UNC5C: variants seen among roughly 807,000 people sequenced by gnomAD.
UNC5C encodes unc-5 netrin receptor C, also known as netrin receptor UNC5C.
In UNC5C, 47 loss-of-function variants were observed where a neutral mutation model predicts 99.8. That is an observed-to-expected ratio of 0.47 (90% confidence interval 0.37 to 0.60). UNC5C has a LOEUF of 0.60. UNC5C is among the 20% of genes least tolerant of loss of function. UNC5C has a pLI of 0.00. For synonymous variants in UNC5C, 487 were observed against 452.2 expected (o/e 1.08, Z -0.98); for missense variants, 1,062 against 1,165.9 (o/e 0.91, Z 1.30).
At chr4:95,319,904 T>C (rs1257122154) in intron 2 of UNC5C, among the ~76,000 whole-genome samples, 1 of 152,124 alleles carries the variant, frequency 6.6e-6, no homozygotes, top group East Asian at 1.9e-4. Flanking sequence ...ACAAATAGAA[T>C]GGAACAACAG....
Position 95,167,193 on chromosome 4 carries a change from C to T in UNC5C, c.*2041G>A, listed in dbSNP as rs1039757773. ...GTCTGTTCAGCAACTTGTGTGCCTC[C>T]AGCCTAAAAGTAAACCACAGTCATG... On this transcript the variant is annotated 3_prime_UTR_variant, in exon 16 of 16. Transcript: ENST00000453304. 11 of 152,166 alleles carry T rather than the reference C, an allele frequency of 7.2e-5. No homozygotes were observed. The highest frequency in any genetic ancestry group is 3.2e-3 in the Middle Eastern group (1 of 316). The allele number at this position is 152,166 out of a possible 1,614,324, so 9.4% of individuals were successfully genotyped here.
chr4:95,385,119 C>T (rs993408095), intron 1 of UNC5C, among the ~76,000 whole-genome samples: 1 of 151,978 alleles, frequency 6.6e-6, no homozygotes, highest in African/African-American at 2.4e-5. Flanking sequence ...TTATGGGCAC[C>T]CTGTTCATAT....
rs186660164 is a variant in UNC5C, at chr4:95,330,036, T to C, written c.346+5374A>G. ...CTATTTCCAACTTCCTATCTTGTTA[T>C]ATCAATTCATGTATTGAATAAACTA... On this transcript the variant is annotated intron_variant, in intron 2 of 15. Transcript: ENST00000453304. Among the ~76,000 whole-genome samples the C allele has an allele frequency of 2.5e-4, 38 of 152,294 alleles. 1 individual carries two copies. The East Asian group carries it at 6.8e-3, about 27-fold the overall frequency.
rs116067336 is a variant in UNC5C at position 95,500,605 on chromosome 4, C to A, written c.124+48129G>T. Among the ~76,000 whole-genome samples, 762 of 152,222 alleles carry A rather than the reference C, an allele frequency of 5.0e-3. 11 individuals carry two copies. Among genetic ancestry groups the A allele is most frequent in the African/African-American group, 0.017 (716 of 41,540 alleles). ...GGTTCCTCAGCTGCATAAACAACAA[C>A]TTGCTCTTATTTTGATTAAGGAGAG... On this transcript the variant is annotated intron_variant, in intron 1 of 15. Transcript: ENST00000453304.
chr4:95,529,536 G>T (rs372618376), intron 1 of UNC5C, among the ~76,000 whole-genome samples: 28 of 151,626 alleles, frequency 1.8e-4, no homozygotes, highest in Middle Eastern at 6.8e-3. Flanking sequence ...GACCAACCTG[G>T]GAAACATGGC....
intron 1 of UNC5C, among the ~76,000 whole-genome samples, chr4:95,363,570 T>C (rs1033961580): frequency 6.6e-6 from 1 of 151,606 alleles, no homozygotes; most frequent in Non-Finnish European, 1.5e-5. Context: ...AATTGCACTC[T>C]ATAAAAGAGG....
chr4:95,508,720 G>A (rs1721991065), intron 1 of UNC5C, among the ~76,000 whole-genome samples: 1 of 151,884 alleles, frequency 6.6e-6, no homozygotes, highest in East Asian at 1.9e-4. Context: ...AAAGTTTCTA[G>A]AAAAAGGAAT....
chr4:95,303,137 A>G (rs1741936118), intron 2 of UNC5C, among the ~76,000 whole-genome samples: 1 of 152,198 alleles, frequency 6.6e-6, no homozygotes, highest in Non-Finnish European at 1.5e-5. Flanking sequence ...AGATGAAGCT[A>G]GAGACAAGAA....
At chr4:95,323,389 G>A (rs914555886) in intron 2 of UNC5C, among the ~76,000 whole-genome samples, 1 of 152,084 alleles carries the variant, frequency 6.6e-6, no homozygotes, top group Non-Finnish European at 1.5e-5. Flanking sequence ...AATAATAAGA[G>A]GACAGGATGT....
At chr4:95,190,811 C>A (rs971973429) in intron 12 of UNC5C, among the ~76,000 whole-genome samples, 8 of 152,146 alleles carry the variant, frequency 5.3e-5, no homozygotes, top group African/African-American at 1.9e-4. Flanking sequence ...GGGCCTCTTT[C>A]CCCACTGCGG....
intron 1 of UNC5C, among the ~76,000 whole-genome samples, chr4:95,347,548 A>G (rs1743822851): frequency 6.6e-6 from 1 of 152,150 alleles, no homozygotes; most frequent in African/African-American, 2.4e-5. Context: ...TGGTACTGAC[A>G]TAAAAACAGA....
At chr4:95,369,281 T>TGGC (rs1744674420) in intron 1 of UNC5C, among the ~76,000 whole-genome samples, 3 of 152,206 alleles carry the variant, frequency 2.0e-5, no homozygotes, top group South Asian at 4.1e-4. Context: ...CCAGGTGTGG[T>TGGC]GGCTCACACC....
In UNC5C at chr4:95,167,796, A is replaced by G. The variant is rs1560708687; in HGVS notation, c.*1438T>C. 6.6e-6 allele frequency: 1 copy of G among 152,232 alleles called. No individual in the cohort carries two copies. The highest frequency in any genetic ancestry group is 1.5e-5 in the Non-Finnish European group (1 of 68,034). The allele number at this position is 152,232 out of a possible 1,614,324, so 9.4% of individuals were successfully genotyped here. Reference sequence around the variant, plus strand: ...TTGAAAGGCGTAACATAGCCTGGGCAAAAGACCAGCTGATGATTTTTAAAT... The same window carrying G: ...TTGAAAGGCGTAACATAGCCTGGGCGAAAGACCAGCTGATGATTTTTAAAT... On this transcript the variant is annotated 3_prime_UTR_variant, in exon 16 of 16. Coordinates refer to ENST00000453304, the MANE Select transcript of UNC5C (RefSeq NM_003728.4).
At chr4:95,272,015 C>T (rs1415022588) in intron 4 of UNC5C, among the ~76,000 whole-genome samples, 4 of 151,784 alleles carry the variant, frequency 2.6e-5, no homozygotes, top group Admixed American at 1.3e-4. Context: ...TCAAGACTAG[C>T]TCCTTCCTTA....
chr4:95,316,497 G>A (rs1402144819), intron 2 of UNC5C, among the ~76,000 whole-genome samples: 1 of 152,008 alleles, frequency 6.6e-6, no homozygotes, highest in Admixed American at 6.6e-5. Flanking sequence ...GTGGCAAGAT[G>A]GTCTGACAAA....
At position 95,298,646 on chromosome 4, in the gene UNC5C, A is replaced by AT. The variant is rs576559959; in HGVS notation, c.490+2959dup. ...CCTACAAATTCCCTTTTCCTGCTGT[A>AT]TTTTTTCTTCGTGGCACTTACCATC... On this transcript the variant is annotated intron_variant, in intron 3 of 15. Coordinates refer to ENST00000453304, the MANE Select transcript of UNC5C (RefSeq NM_003728.4). 1.3e-4 allele frequency among the ~76,000 whole-genome samples: 20 copies of AT among 151,944 alleles called. No homozygotes were observed. In the South Asian group the frequency reaches 3.9e-3, roughly 30 times the overall value.
At chr4:95,234,717 G>T (rs1056421136) in intron 7 of UNC5C, among the ~76,000 whole-genome samples, 2 of 152,080 alleles carry the variant, frequency 1.3e-5, no homozygotes, top group Admixed American at 1.3e-4. Flanking sequence ...AGGCACCAAG[G>T]CATTGATTAT....
intron 1 of UNC5C, among the ~76,000 whole-genome samples, chr4:95,341,379 G>A (rs2626056): frequency 0.56 from 84,451 of 151,446 alleles, 26,113 homozygotes; most frequent in East Asian, 0.99. Flanking sequence ...GGATTTGTAC[G>A]TATTGACCTA....
At chr4:95,245,981 T>C (rs1178917845) in intron 5 of UNC5C, among the ~76,000 whole-genome samples, 1 of 152,240 alleles carries the variant, frequency 6.6e-6, no homozygotes, top group Non-Finnish European at 1.5e-5. Context: ...ATCTGTTTCC[T>C]GATACTAAAG....
Sources: allele counts gnomAD v4.1 joint callset (sites outside exome capture counted in the v4.1 genomes callset), GRCh38; gene constraint gnomAD v4.1.1; transcripts MANE v1.5; gene names NCBI Gene and HGNC (gene_info 2026-07-23, HGNC 2026-07-21).